Variants in VPS54 observed in about 807,000 individuals in gnomAD.
The protein encoded by VPS54 is VPS54 subunit of GARP complex.
A neutral mutation model predicts 121.5 loss-of-function variants in VPS54; 45 were observed. That is an observed-to-expected ratio of 0.37 (90% CI 0.29 to 0.47). The LOEUF (loss-of-function observed/expected upper bound fraction) is 0.47. VPS54 is among the 20% of genes least tolerant of loss of function. VPS54 has a pLI of 0.99. For missense variants in VPS54, 1,090 were observed against 1,131.4 expected, an observed-to-expected ratio of 0.96 and a Z score of 0.52; for synonymous variants, 371 against 385.8, an observed-to-expected ratio of 0.96 and a Z score of 0.45.
At chr2:63,949,394 G>A (rs1675134891) in intron 7 of VPS54, among the ~76,000 whole-genome samples, 1 of 152,054 alleles carries the variant, frequency 6.6e-6, no homozygotes, top group Admixed American at 6.6e-5. Context: ...GGGGTTAGAG[G>A]CACCAAACAC....
At position 64,012,219 on chromosome 2, in the gene VPS54, G is replaced by C. The variant is rs138875315; in HGVS notation, c.-21+6719C>G. On this transcript the variant is annotated intron_variant, in intron 1 of 22. Coordinates refer to ENST00000272322, the MANE Select transcript of VPS54 (RefSeq NM_016516.3). The stretch of plus-strand genomic sequence containing the variant: ...CCCTCATCCACCTTCAATACAGTGT[G>C]TCTTTGCTTTTCTCCTGCTTGCAGA... Among the ~76,000 whole-genome samples, 13 of 152,036 alleles carry C rather than the reference G, an allele frequency of 8.6e-5. No individual in the cohort carries two copies. The East Asian group carries it at 2.5e-3, about 29-fold the overall frequency.
At chr2:63,982,465 G>A (rs1246794720) in intron 2 of VPS54, among the ~76,000 whole-genome samples, 2 of 152,128 alleles carry the variant, frequency 1.3e-5, no homozygotes, top group African/African-American at 4.8e-5. Context: ...TTGAACCACT[G>A]CTTGTAGGGA....
In VPS54 at chr2:63,948,985, C is replaced by T. The variant is rs1675116062; in HGVS notation, c.1137+52G>A. 9 of 1,591,770 alleles carry T rather than the reference C, an allele frequency of 5.7e-6. No homozygotes were observed. The East Asian group carries it at 2.0e-4, about 36-fold the overall frequency. ...TAATCTGAGAAAAATGTGTTCTAAG[C>T]CAAGACTGTTAAGCAATGGCATCAA... On this transcript the variant is annotated intron_variant, in intron 8 of 22. Coordinates refer to ENST00000272322, the MANE Select transcript of VPS54 (RefSeq NM_016516.3).
chr2:63,893,453 C>T lies in VPS54; in HGVS notation c.2911G>A (p.Glu971Lys), dbSNP rs1391443981. ...CATCACCTCTTCTGCTCCCAAATTTCGGCCATATTTAGGTCCAAATCTTTA... is the reference window on the plus strand; with the variant it reads ...CATCACCTCTTCTGCTCCCAAATTTTGGCCATATTTAGGTCCAAATCTTTA... ...GLKDLDLNMA[E>K]IWEQKR The change falls in exon 23 of 23, where the codon GAA becomes AAA. Residue 971 changes from glutamate (E) to lysine (K), a missense_variant. Coordinates refer to ENST00000272322, the MANE Select transcript of VPS54 (RefSeq NM_016516.3). 2 of 1,613,996 alleles carry T rather than the reference C, an allele frequency of 1.2e-6. No homozygotes were observed. Among genetic ancestry groups the T allele is most frequent in the Non-Finnish European group, 8.5e-7 (1 of 1,179,912 alleles).
intron 1 of VPS54, among the ~76,000 whole-genome samples, chr2:63,988,997 T>C (rs765346096): frequency 4.6e-5 from 7 of 152,154 alleles, no homozygotes; most frequent in East Asian, 1.9e-4. Flanking sequence ...GAATGCATTC[T>C]CGGCCGGGAA....
chr2:63,967,720 A>AAAAAAAAAAAAAAAAAAG, intron 5 of VPS54, among the ~76,000 whole-genome samples: 1 of 146,566 alleles, frequency 6.8e-6, no homozygotes, highest in Non-Finnish European at 1.5e-5. Flanking sequence ...CTCTGCCTCA[A>AAAAAAAAAAAAAAAAAAG]AAAAAAAAAA....
At chr2:63,999,988 G>A (rs940273120) in intron 1 of VPS54, among the ~76,000 whole-genome samples, 6 of 152,004 alleles carry the variant, frequency 3.9e-5, no homozygotes, top group Non-Finnish European at 7.4e-5. Flanking sequence ...AGCCTCCTAA[G>A]TGGCTCAGAT....
intron 7 of VPS54, among the ~76,000 whole-genome samples, chr2:63,952,920 C>T (rs1243286087): frequency 1.3e-5 from 2 of 152,004 alleles, no homozygotes; most frequent in African/African-American, 4.8e-5. Flanking sequence ...CTGTTGATAA[C>T]TGTAACAGAA....
chr2:63,934,090 A>G, intron 11 of VPS54, 77 bp from the exon 12 acceptor site: 2 of 1,320,660 alleles, frequency 1.5e-6, no homozygotes, highest in East Asian at 2.4e-5. Context: ...AATTCTGTGC[A>G]TGTAATTTTG....
At position 63,912,605 on chromosome 2, in the gene VPS54, G is replaced by C; in HGVS notation, c.2479C>G (p.His827Asp). Reference sequence around the variant, plus strand: ...TTAGGTGGTAGTCGAGCTTCAAAATGAGCCCGGATCACAGGAATGTAGTGC... The same window carrying C: ...TTAGGTGGTAGTCGAGCTTCAAAATCAGCCCGGATCACAGGAATGTAGTGC... Reference protein sequence around the residue: ...IVHYIPVIRAHFEARLPPKQY... With the variant: ...IVHYIPVIRADFEARLPPKQY... The change falls in exon 19 of 23, where the codon CAT becomes GAT. Residue 827 changes from histidine to aspartate, a missense_variant. His to Asp is a moderately conservative substitution (Grantham distance 81). This residue lies in a region of VPS54 where 289 missense variants were observed against 374.4 expected (regional missense o/e 0.77). Transcript: ENST00000272322. 3 of 1,596,546 alleles carry C rather than the reference G, an allele frequency of 1.9e-6. No homozygotes were observed. The highest frequency in any genetic ancestry group is 2.6e-6 in the Non-Finnish European group (3 of 1,176,010).
chr2:63,930,659 G>GC (rs1674147992), intron 12 of VPS54, among the ~76,000 whole-genome samples: 1 of 152,048 alleles, frequency 6.6e-6, no homozygotes, highest in Non-Finnish European at 1.5e-5. Context: ...GGAAGTTCTG[G>GC]CCAGGGCAAT....
At chr2:64,010,247 C>CT (rs1484973665) in intron 1 of VPS54, among the ~76,000 whole-genome samples, 1 of 152,138 alleles carries the variant, frequency 6.6e-6, no homozygotes, top group Non-Finnish European at 1.5e-5. Context: ...CTGGACAGAG[C>CT]TTTTTTGACA....
intron 7 of VPS54, among the ~76,000 whole-genome samples, chr2:63,959,803 C>T (rs560260522): frequency 3.3e-5 from 5 of 151,874 alleles, no homozygotes; most frequent in East Asian, 3.9e-4. Context: ...GGCAGATCAC[C>T]GGAGGTCAGG....
chr2:63,979,267 T>A (rs1157381749), intron 3 of VPS54, among the ~76,000 whole-genome samples: 3 of 147,258 alleles, frequency 2.0e-5, no homozygotes, highest in Non-Finnish European at 4.5e-5. Flanking sequence ...GGAGACGGAG[T>A]CTCGCTCTGT....
intron 22 of VPS54, among the ~76,000 whole-genome samples, chr2:63,895,906 G>A (rs146556206): frequency 9.4e-4 from 143 of 152,276 alleles, no homozygotes; most frequent in African/African-American, 3.1e-3. Flanking sequence ...CAGAACTACT[G>A]GTCTACAAAA....
At position 63,912,610 on chromosome 2, in the gene VPS54, C is replaced by T. The variant is rs770137240; in HGVS notation, c.2474G>A (p.Arg825Gln). The T allele has an allele frequency of 1.4e-5, 22 of 1,596,052 alleles. No individual in the cohort carries two copies. Among genetic ancestry groups the T allele is most frequent in the Admixed American group, 1.3e-4 (7 of 53,518 alleles). The change falls in exon 19 of 23, where the codon CGG (arginine) becomes CAG (glutamine). Residue 825 changes from arginine to glutamine, a missense_variant. Transcript: ENST00000272322. ...QLIVHYIPVIRAHFEARLPPK... is the reference protein window; with the variant it reads ...QLIVHYIPVIQAHFEARLPPK... ...TGGTAGTCGAGCTTCAAAATGAGCC[C>T]GGATCACAGGAATGTAGTGCACAAT...
intron 8 of VPS54, among the ~76,000 whole-genome samples, chr2:63,947,921 T>C (rs1018718775): frequency 3.9e-5 from 6 of 152,166 alleles, no homozygotes; most frequent in Middle Eastern, 3.4e-3. Context: ...ACTGCAGCCT[T>C]GATCTCCCAG....
At chr2:64,005,692 C>A (rs1409801889) in intron 1 of VPS54, among the ~76,000 whole-genome samples, 1 of 152,150 alleles carries the variant, frequency 6.6e-6, no homozygotes, top group Non-Finnish European at 1.5e-5. Flanking sequence ...CTATCTTGTA[C>A]CCACCCAGCT....
At chr2:63,914,416 T>C (rs1673287393) in intron 16 of VPS54, 129 bp from the exon 17 acceptor site, 8 of 662,058 alleles carry the variant, frequency 1.2e-5, no homozygotes, top group East Asian at 8.0e-5. Context: ...GGTAACTATG[T>C]TAAAGTATGC....
Sources: gnomAD v4.1 joint callset for allele counts (sites outside exome capture counted in the v4.1 genomes callset) on GRCh38, gnomAD v4.1.1 for gene constraint, gnomAD v4.1.1 regional missense constraint, MANE v1.5 for transcripts, NCBI Gene and HGNC (gene_info 2026-07-23, HGNC 2026-07-21) for gene names.